The following PKD2 variants were observed in gnomAD, a reference collection of about 807,000 sequenced individuals.
The protein encoded by PKD2 is polycystin-2.
A neutral mutation model predicts 105.9 loss-of-function variants in PKD2; 48 were observed. The ratio of observed to expected loss-of-function variants is 0.45; its 90% CI spans 0.36 to 0.58. PKD2 has a LOEUF of 0.58. Ranked by LOEUF, PKD2 falls within the 20% of genes least tolerant of loss-of-function variation. The probability of loss-of-function intolerance (pLI) is 0.00; values close to 1 mark genes in which losing one functional copy is unlikely to be tolerated. For synonymous variants in PKD2, 464 were observed against 481.1 expected (o/e 0.96, Z 0.46); for missense variants, 1,078 against 1,255.3 (o/e 0.86, Z 2.13).
Position 88,067,914 on chromosome 4 carries a change from A to T in PKD2, c.2375A>T (p.Asp792Val). 6.2e-7 allele frequency: 1 copy of T among 1,613,930 alleles called. No homozygotes were observed. The highest frequency in any genetic ancestry group is 8.5e-7 in the Non-Finnish European group (1 of 1,179,970). ...LEKEREDLDL[D>V]HSSLPRPMSS... ...GTTCTTCAGGAGGACCTGGATTTGG[A>T]TCACAGTTCTTTACCACGTCCCATG... is the stretch of plus-strand genomic sequence containing the variant. The change falls in exon 13 of 15, where the codon GAT (aspartate) becomes GTT (valine). Residue 792 changes from aspartate (D) to valine (V), a missense_variant. Physicochemically the swap from Asp to Val is radical, Grantham distance 152 (BLOSUM62 -3). Around this residue, in one of 2 missense-constraint regions of PKD2, gnomAD observed 868 missense variants for 1,067.3 expected, o/e 0.81. Coordinates refer to ENST00000237596, the MANE Select transcript of PKD2 (RefSeq NM_000297.4).
chr4:88,065,882 G>A lies in PKD2; in HGVS notation c.2358+3G>A. The stretch of plus-strand genomic sequence containing the variant: ...GAGACGACTTGGAGAAAGAGAGGGT[G>A]GGTCTGGTTTAGGAGAACCGGATTT... On this transcript the variant is annotated splice_donor_region_variant and intron_variant, in intron 12 of 14. Transcript: ENST00000237596. 1 of 1,565,240 alleles carries A rather than the reference G, an allele frequency of 6.4e-7. No homozygotes were observed.
At chr4:88,056,981 TG>T (rs1406615564) in intron 8 of PKD2, among the ~76,000 whole-genome samples, 9 of 147,436 alleles carry the variant, frequency 6.1e-5, no homozygotes, top group Admixed American at 3.3e-4. Context: ...TTTTTTGTTT[TG>T]TTTTTTTTTG....
intron 10 of PKD2, among the ~76,000 whole-genome samples, chr4:88,064,194 A>G (rs183676833): frequency 9.8e-5 from 15 of 152,302 alleles, no homozygotes; most frequent in Non-Finnish European, 1.8e-4. Context: ...GCTCATCCAC[A>G]TTTAAGAAGG....
intron 2 of PKD2, among the ~76,000 whole-genome samples, chr4:88,033,532 T>C (rs1454389554): frequency 6.6e-6 from 1 of 152,178 alleles, no homozygotes; most frequent in Non-Finnish European, 1.5e-5. Context: ...AATCTGTTGC[T>C]TGCCCTTGGT....
intron 2 of PKD2, among the ~76,000 whole-genome samples, chr4:88,032,479 A>G (rs536496128): frequency 6.6e-6 from 1 of 152,266 alleles, no homozygotes; most frequent in South Asian, 2.1e-4. Context: ...ACTGTGGTTT[A>G]CTGTATTTTG....
At chr4:88,012,046 C>G (rs1425505699) in intron 1 of PKD2, among the ~76,000 whole-genome samples, 1 of 151,788 alleles carries the variant, frequency 6.6e-6, no homozygotes, top group East Asian at 1.9e-4. Context: ...ACAGCCACCC[C>G]ACACACACAC....
rs1252529707 is a variant in PKD2, at chr4:88,019,487, A to G, written c.625A>G (p.Ser209Gly). The change falls in exon 2 of 15, where the codon AGC becomes GGC. Residue 209 changes from serine (S) to glycine (G), a missense_variant. Around this residue, in one of 2 missense-constraint regions of PKD2, gnomAD observed 868 missense variants for 1,067.3 expected, o/e 0.81. Coordinates refer to ENST00000237596, the MANE Select transcript of PKD2 (RefSeq NM_000297.4). ...GLWGTRLMEE[S>G]STNREKYLKS... Reference sequence around the variant, plus strand: ...CTGGGGAACAAGACTCATGGAGGAAAGCAGCACTAACCGAGAGAAATACCT... The same window carrying G: ...CTGGGGAACAAGACTCATGGAGGAAGGCAGCACTAACCGAGAGAAATACCT... The G allele has an allele frequency of 1.3e-6, 2 of 1,599,646 alleles. No homozygotes were observed. Among genetic ancestry groups the G allele is most frequent in the South Asian group, 2.2e-5 (2 of 90,774 alleles).
At chr4:88,055,276 A>C (rs1720280709) in intron 7 of PKD2, among the ~76,000 whole-genome samples, 2 of 152,238 alleles carry the variant, frequency 1.3e-5, no homozygotes, top group African/African-American at 4.8e-5. Context: ...TAACTGATGC[A>C]CAATAAATGA....
At chr4:88,012,823 A>G (rs775176896) in intron 1 of PKD2, among the ~76,000 whole-genome samples, 2 of 152,074 alleles carry the variant, frequency 1.3e-5, no homozygotes, top group African/African-American at 4.8e-5. Flanking sequence ...GTGAAATCAG[A>G]CCATGTTTGA....
chr4:88,050,865 T>A (rs1239824739), intron 6 of PKD2, among the ~76,000 whole-genome samples: 1 of 152,152 alleles, frequency 6.6e-6, no homozygotes, highest in African/African-American at 2.4e-5. Context: ...TTAGCTGTGA[T>A]CAGCAACCAA....
rs373213485 is a variant in PKD2 at position 88,038,563 on chromosome 4, C to T, written c.1094+62C>T. 2.2e-3 allele frequency: 3,356 copies of T among 1,533,176 alleles called. 82 individuals are homozygous for T. In the South Asian group the frequency reaches 0.036, roughly 17 times the overall value. 95.0% of individuals were successfully genotyped at this position (1,533,176 alleles called of 1,614,324 possible). A position where few individuals can be genotyped will look rare whatever the true frequency, so the allele number is the denominator to read the frequency against. On this transcript the variant is annotated intron_variant, in intron 4 of 14. Transcript: ENST00000237596. Reference sequence around the variant, plus strand: ...CATTCATTTATTCTCTGAACTCCCACCATTCATTCATTCATTCCCTGACAC... The same window carrying T: ...CATTCATTTATTCTCTGAACTCCCATCATTCATTCATTCATTCCCTGACAC...
At chr4:88,058,429 A>G (rs566094564) in intron 9 of PKD2, among the ~76,000 whole-genome samples, 26 of 152,336 alleles carry the variant, frequency 1.7e-4, no homozygotes, top group Middle Eastern at 6.8e-3. Context: ...GTACAAATTT[A>G]TAAAGATACC....
chr4:88,059,735 A>T (rs1720496205), intron 9 of PKD2, among the ~76,000 whole-genome samples: 1 of 148,262 alleles, frequency 6.7e-6, no homozygotes, highest in Non-Finnish European at 1.5e-5. Flanking sequence ...GTGGATAGAT[A>T]CATACATACG....
At chr4:88,037,769 C>T (rs938045800) in intron 3 of PKD2, among the ~76,000 whole-genome samples, 10 of 152,082 alleles carry the variant, frequency 6.6e-5, no homozygotes, top group Admixed American at 3.3e-4. Context: ...ACTAAAGGGA[C>T]GAGGAGGGAT....
chr4:88,061,475 C>T (rs1393954964), intron 9 of PKD2, among the ~76,000 whole-genome samples: 2 of 152,242 alleles, frequency 1.3e-5, no homozygotes, highest in Admixed American at 6.5e-5. Flanking sequence ...CAGTGGCTCA[C>T]GCTTGCAATC....
Position 88,036,248 on chromosome 4 carries a change from G to T in PKD2, c.738G>T (p.Val246=). 1 of 1,613,730 alleles carries T rather than the reference G, an allele frequency of 6.2e-7. No homozygotes were observed. The highest frequency in any genetic ancestry group is 8.5e-7 in the Non-Finnish European group (1 of 1,179,690). ...CCTACGGCATGATGAGCTCCAATGTGTACTACTACACCCGGATGATGTCAC... is the reference window on the plus strand; with the variant it reads ...CCTACGGCATGATGAGCTCCAATGTTTACTACTACACCCGGATGATGTCAC... ...ILTYGMMSSN[V]YYYTRMMSQL... Residue 246 remains valine, a synonymous_variant, in exon 3 of 15, where the codon GTG becomes GTT. Coordinates refer to ENST00000237596, the MANE Select transcript of PKD2 (RefSeq NM_000297.4).
At chr4:88,058,596 G>A (rs937512488) in intron 9 of PKD2, among the ~76,000 whole-genome samples, 5 of 152,124 alleles carry the variant, frequency 3.3e-5, no homozygotes, top group Admixed American at 6.5e-5. Context: ...CTAAGATGTC[G>A]AGTAATAGTT....
chr4:88,074,986 G>A lies in PKD2; in HGVS notation c.2670+27G>A, dbSNP rs113117728. ...TCAGTAGTCATGAGCTGAAAACACC[G>A]CTGCTGAGCATGGTGTTATTAATGA... is the stretch of plus-strand genomic sequence containing the variant. On this transcript the variant is annotated intron_variant, in intron 14 of 14. Transcript: ENST00000237596. 6.3e-4 allele frequency: 1,008 copies of A among 1,608,300 alleles called. 20 individuals carry two copies. The South Asian group carries it at 8.7e-3, about 14-fold the overall frequency.
intron 7 of PKD2, among the ~76,000 whole-genome samples, chr4:88,054,035 A>G (rs1720215759): frequency 6.6e-6 from 1 of 152,126 alleles, no homozygotes; most frequent in Non-Finnish European, 1.5e-5. Flanking sequence ...GTGCTGCCTG[A>G]GAATTACTGA....
Sources: gnomAD v4.1 joint callset for allele counts (sites outside exome capture counted in the v4.1 genomes callset) on GRCh38, gnomAD v4.1.1 for gene constraint, gnomAD v4.1.1 regional missense constraint, MANE v1.5 for transcripts, NCBI Gene and HGNC (gene_info 2026-07-23, HGNC 2026-07-21) for gene names.